POTEM: variants seen among roughly 807,000 people sequenced by gnomAD.
POTEM encodes putative POTE ankyrin domain family member M.
For missense variants in POTEM, 24 were observed against 343.0 expected, an observed-to-expected ratio of 0.07 and a Z score of 7.35; for synonymous variants, 8 against 113.2, an observed-to-expected ratio of 0.07 and a Z score of 5.90.
Position 19,002,678 on chromosome 14 carries a change from C to G in POTEM, c.*4013C>G, listed in dbSNP as rs1891404394. ...CCTGCTTACAGGGCACTCTCAGATG[C>G]CCATACCATAGTTTCTGTGCTAGTG... is the stretch of plus-strand genomic sequence containing the variant. On this transcript the variant is annotated 3_prime_UTR_variant, in exon 11 of 11. Coordinates refer to ENST00000547889, the MANE Select transcript of POTEM (RefSeq NM_001145442.1). 6.6e-6 allele frequency among the ~76,000 whole-genome samples: 1 copy of G among 152,122 alleles called. No individual in the cohort carries two copies. The highest frequency in any genetic ancestry group is 1.5e-5 in the Non-Finnish European group (1 of 67,986).
intron 1 of POTEM, among the ~76,000 whole-genome samples, chr14:18,972,285 CACTT>C (rs1452336032): frequency 4.9e-5 from 5 of 102,424 alleles, no homozygotes; most frequent in South Asian, 3.4e-4. Flanking sequence ...TGTATCATCT[CACTT>C]AATTCAAATG....
At chr14:18,968,836 A>G (rs1425740740) in intron 1 of POTEM, among the ~76,000 whole-genome samples, 1 of 152,208 alleles carries the variant, frequency 6.6e-6, no homozygotes, top group Non-Finnish European at 1.5e-5. Flanking sequence ...AAAAAAAAAA[A>G]AAGTGAGCTT....
intron 7 of POTEM, among the ~76,000 whole-genome samples, chr14:18,986,604 A>G (rs1208480198): frequency 2.1e-5 from 3 of 143,004 alleles, no homozygotes; most frequent in Non-Finnish European, 4.5e-5. Flanking sequence ...ACATAACACT[A>G]TCATATTACA....
intron 1 of POTEM, among the ~76,000 whole-genome samples, chr14:18,969,365 A>ATC (rs1890855299): frequency 7.5e-6 from 1 of 133,178 alleles, no homozygotes; most frequent in Non-Finnish European, 1.6e-5. Context: ...GTGTATATAT[A>ATC]TATATATATA....
intron 1 of POTEM, among the ~76,000 whole-genome samples, chr14:18,969,529 C>T (rs1890861801): frequency 5.2e-5 from 3 of 58,242 alleles, no homozygotes; most frequent in Non-Finnish European, 9.3e-5. Flanking sequence ...TTACAGGCGC[C>T]TGCCACCACG....
chr14:18,982,489 C>G (rs1403678076), intron 6 of POTEM, among the ~76,000 whole-genome samples: 1 of 139,930 alleles, frequency 7.1e-6, no homozygotes, highest in African/African-American at 2.6e-5. Context: ...CATGACTGAG[C>G]TCCTATAAAA....
intron 6 of POTEM, among the ~76,000 whole-genome samples, chr14:18,983,195 T>A: frequency 7.5e-6 from 1 of 132,664 alleles, no homozygotes; most frequent in Non-Finnish European, 1.6e-5. Context: ...GTAGTCTGAC[T>A]CTCACTAATA....
chr14:18,991,200 A>T (rs1224021018), intron 9 of POTEM, among the ~76,000 whole-genome samples: 2 of 121,762 alleles, frequency 1.6e-5, no homozygotes, highest in Non-Finnish European at 3.9e-5. Flanking sequence ...GACTTTTTCT[A>T]CTGTATATAT....
In POTEM at chr14:18,993,068, C is replaced by T. The variant is rs75134120; in HGVS notation, c.1410-3973C>T. Among the ~76,000 whole-genome samples, 11 of 68,832 alleles carry T rather than the reference C, an allele frequency of 1.6e-4. 1 individual carries two copies. Among genetic ancestry groups the T allele is most frequent in the Middle Eastern group, 5.1e-3 (1 of 196 alleles). The allele number at this position is 68,832 out of a possible 152,430, so 45.2% of individuals were successfully genotyped here. A position where few individuals can be genotyped will look rare whatever the true frequency, so the allele number is the denominator to read the frequency against. On this transcript the variant is annotated intron_variant, in intron 9 of 10. Coordinates refer to ENST00000547889, the MANE Select transcript of POTEM (RefSeq NM_001145442.1). ...CGTGCCATGATGCCAGGCTAATTTT[C>T]GTATTTTTAGTAGAGACGGGGTTTC...
intron 7 of POTEM, among the ~76,000 whole-genome samples, chr14:18,986,850 TAAC>T (rs1220612187): frequency 6.6e-6 from 1 of 151,968 alleles, no homozygotes; most frequent in East Asian, 1.9e-4. Flanking sequence ...ATTTAACACA[TAAC>T]AAATTAAGTT....
At chr14:18,985,919 AAAAAAAAAAAT>A (rs1891171936) in intron 7 of POTEM, among the ~76,000 whole-genome samples, 5 of 129,960 alleles carry the variant, frequency 3.8e-5, no homozygotes, top group Admixed American at 3.1e-4. Flanking sequence ...AAAAAAAAAA[AAAAAAAAAAAT>A]ATTTTAATAG....
intron 6 of POTEM, among the ~76,000 whole-genome samples, chr14:18,982,757 T>G (rs543340659): frequency 1.8e-3 from 142 of 80,566 alleles, no homozygotes; most frequent in African/African-American, 5.7e-3. Flanking sequence ...TTTTGTTTTT[T>G]TTTTTTTTTG....
intron 6 of POTEM, 38 bp downstream of exon 6, chr14:18,980,182 T>TC: frequency 9.7e-7 from 1 of 1,028,300 alleles, no homozygotes; most frequent in Non-Finnish European, 1.4e-6. Flanking sequence ...AGGTTAGTTT[T>TC]CCCCAACCTT....
intron 1 of POTEM, among the ~76,000 whole-genome samples, chr14:18,968,533 C>A (rs1318520333): frequency 1.6e-4 from 24 of 151,206 alleles, no homozygotes; most frequent in African/African-American, 5.4e-4. Context: ...AAGATGTGAG[C>A]TTTTTGGCTG....
chr14:18,981,149 G>GT (rs1891070904), intron 6 of POTEM, among the ~76,000 whole-genome samples: 1 of 151,366 alleles, frequency 6.6e-6, no homozygotes, highest in Non-Finnish European at 1.5e-5. Context: ...GCTTCTGTAA[G>GT]TTAGGTTTTA....
rs1891265882 is a variant in POTEM at position 18,993,157 on chromosome 14, A to G, written c.1410-3884A>G. On this transcript the variant is annotated intron_variant, in intron 9 of 10. Transcript: ENST00000547889. ...GGCAATCCACCCGCCTTATCCTCACAAAGTGCTGGGTGGATTACAGGCGTA... is the reference window on the plus strand; with the variant it reads ...GGCAATCCACCCGCCTTATCCTCACGAAGTGCTGGGTGGATTACAGGCGTA... 2.9e-5 allele frequency among the ~76,000 whole-genome samples: 2 copies of G among 69,242 alleles called. 1 individual carries two copies. The highest frequency in any genetic ancestry group is 5.7e-5 in the Non-Finnish European group (2 of 34,982). 45.4% of individuals were successfully genotyped at this position (69,242 alleles called of 152,430 possible). A position where few individuals can be genotyped will look rare whatever the true frequency, so the allele number is the denominator to read the frequency against.
chr14:18,968,554 C>T (rs1437260071), intron 1 of POTEM, among the ~76,000 whole-genome samples: 1 of 150,008 alleles, frequency 6.7e-6, no homozygotes, highest in Non-Finnish European at 1.5e-5. Context: ...GGCGTGGTGG[C>T]TCACACCTGT....
At chr14:18,981,768 A>C (rs796616979) in intron 6 of POTEM, among the ~76,000 whole-genome samples, 11,566 of 132,184 alleles carry the variant, frequency 0.087, 62 homozygotes, top group South Asian at 0.12. Context: ...AGTGTGAGAT[A>C]CGAGAGGTTG....
intron 3 of POTEM, among the ~76,000 whole-genome samples, chr14:18,975,672 T>C (rs1890947411): frequency 1.4e-5 from 1 of 73,256 alleles, no homozygotes; most frequent in Admixed American, 1.1e-4. Flanking sequence ...TTATACGCAA[T>C]TTATCTTAGG....
Sources: gnomAD v4.1 joint callset for allele counts (sites outside exome capture counted in the v4.1 genomes callset) on GRCh38, gnomAD v4.1.1 for gene constraint, MANE v1.5 for transcripts, NCBI Gene and HGNC (gene_info 2026-07-23, HGNC 2026-07-21) for gene names.